Variants in SRGAP3 observed in about 807,000 individuals in gnomAD.
The protein encoded by SRGAP3 is SLIT-ROBO Rho GTPase-activating protein 3.
In SRGAP3, 39 loss-of-function variants were observed where a neutral mutation model predicts 121.1. That is an observed-to-expected ratio of 0.32 (90% CI 0.25 to 0.42). The LOEUF (loss-of-function observed/expected upper bound fraction) is 0.42. Among genes scored for constraint, SRGAP3 ranks in the 10% least tolerant of loss-of-function variants. SRGAP3 has a pLI of 1.00. For synonymous variants in SRGAP3, 601 were observed against 570.0 expected (o/e 1.05, Z -0.77); for missense variants, 1,213 against 1,470.6 (o/e 0.82, Z 2.86).
At chr3:9,136,254 C>T (rs2125018431) in intron 1 of SRGAP3, among the ~76,000 whole-genome samples, 1 of 152,366 alleles carries the variant, frequency 6.6e-6, no homozygotes, top group East Asian at 1.9e-4. Context: ...CTTCTCCTAG[C>T]CTCCTGTACA....
At chr3:9,325,589 C>A (rs1212467022) in intron 3 of SRGAP3, among the ~76,000 whole-genome samples, 1 of 151,862 alleles carries the variant, frequency 6.6e-6, no homozygotes, top group Admixed American at 6.5e-5. Flanking sequence ...CCTCTTTCAT[C>A]CTAAATCCTG....
At chr3:9,037,527 G>A in intron 11 of SRGAP3, 1 of 155,802 alleles carries the variant, frequency 6.4e-6, no homozygotes, top group Non-Finnish European at 1.4e-5. Context: ...GCTCATCCAA[G>A]TGCCCGTGAG....
intron 1 of SRGAP3, among the ~76,000 whole-genome samples, chr3:9,354,157 T>C (rs1264358187): frequency 2.6e-5 from 4 of 152,160 alleles, no homozygotes; most frequent in African/African-American, 9.7e-5. Flanking sequence ...GTAATGTTAA[T>C]AGGCTAAACT....
At chr3:9,188,550 C>T (rs534189602) in intron 1 of SRGAP3, among the ~76,000 whole-genome samples, 3 of 152,282 alleles carry the variant, frequency 2.0e-5, no homozygotes, top group East Asian at 1.9e-4. Flanking sequence ...AGAATGGACA[C>T]GAAGAAAGAT....
chr3:9,205,589 C>T (rs1952237900), intron 1 of SRGAP3, among the ~76,000 whole-genome samples: 1 of 152,242 alleles, frequency 6.6e-6, no homozygotes, highest in Admixed American at 6.5e-5. Flanking sequence ...GAACCTACAT[C>T]TCCTGCCTCC....
chr3:9,119,482 C>T (rs375240310), intron 2 of SRGAP3, among the ~76,000 whole-genome samples: 103 of 152,372 alleles, frequency 6.8e-4, no homozygotes, highest in Non-Finnish European at 2.2e-4. Flanking sequence ...GTTGCTCCTT[C>T]TCATTTCTCA....
intron 4 of SRGAP3, among the ~76,000 whole-genome samples, chr3:9,076,735 T>G (rs1946990963): frequency 7.1e-6 from 1 of 141,148 alleles, no homozygotes; most frequent in South Asian, 2.7e-4. Context: ...AACCCATCTC[T>G]CACACATGTG....
At chr3:9,280,209 T>A (rs1954651642) in intron 3 of SRGAP3, among the ~76,000 whole-genome samples, 1 of 152,212 alleles carries the variant, frequency 6.6e-6, no homozygotes, top group Admixed American at 6.5e-5. Context: ...AAGGGGACTA[T>A]TTCTAGGCAC....
chr3:9,321,614 C>A (rs1955439653), intron 3 of SRGAP3, among the ~76,000 whole-genome samples: 2 of 151,734 alleles, frequency 1.3e-5, no homozygotes, highest in Non-Finnish European at 2.9e-5. Context: ...ACCACAAACC[C>A]AGATAAAAAT....
chr3:9,049,413 G>T (rs563029277), intron 9 of SRGAP3: 1 of 455,976 alleles, frequency 2.2e-6, no homozygotes, highest in South Asian at 1.5e-5. Flanking sequence ...ACACACGTAC[G>T]TTTAAGCCTC....
intron 3 of SRGAP3, among the ~76,000 whole-genome samples, chr3:9,308,284 T>C (rs1018116369): frequency 2.0e-5 from 3 of 152,244 alleles, no homozygotes; most frequent in African/African-American, 7.2e-5. Context: ...AAGAGGATTT[T>C]ACACTCTTCT....
At chr3:8,990,410 G>A in intron 21 of SRGAP3, 102 bp downstream of exon 21, 3 of 1,427,386 alleles carry the variant, frequency 2.1e-6, no homozygotes, top group South Asian at 1.2e-5. Flanking sequence ...GCTTAGCCAT[G>A]AGCCTGGCAT....
At chr3:9,072,987 G>A (rs896733176) in intron 4 of SRGAP3, among the ~76,000 whole-genome samples, 1 of 152,208 alleles carries the variant, frequency 6.6e-6, no homozygotes, top group Non-Finnish European at 1.5e-5. Flanking sequence ...CTTCTCGCCT[G>A]CTGCTCTGGC....
intron 3 of SRGAP3, among the ~76,000 whole-genome samples, chr3:9,266,534 C>CT (rs1165635486): frequency 1.3e-5 from 2 of 152,106 alleles, no homozygotes; most frequent in Admixed American, 1.3e-4. Context: ...ATAAACATTC[C>CT]TTATGTGAGG....
At chr3:9,096,475 C>T (rs1252688204) in intron 3 of SRGAP3, among the ~76,000 whole-genome samples, 2 of 152,164 alleles carry the variant, frequency 1.3e-5, no homozygotes. Flanking sequence ...TTGCTGAACT[C>T]TCTTCAGCAG....
chr3:9,010,748 C>A (rs927540206), intron 17 of SRGAP3, among the ~76,000 whole-genome samples: 5 of 152,100 alleles, frequency 3.3e-5, no homozygotes, highest in African/African-American at 1.2e-4. Context: ...CAAAAAGAAC[C>A]CTTTGAAGTA....
chr3:9,233,365 T>C (rs2700324), intron 1 of SRGAP3, among the ~76,000 whole-genome samples: 113,540 of 152,110 alleles, frequency 0.75, 42,580 homozygotes, highest in South Asian at 0.82. Flanking sequence ...GTCTCATCTA[T>C]CTCTGTGACT....
intron 14 of SRGAP3, among the ~76,000 whole-genome samples, chr3:9,020,718 C>T (rs1943874399): frequency 6.6e-6 from 1 of 152,204 alleles, no homozygotes. Context: ...TGGCTCTCTG[C>T]AAGCTAGTCA....
chr3:9,117,577 A>G (rs1035787546), intron 2 of SRGAP3, among the ~76,000 whole-genome samples: 1 of 152,136 alleles, frequency 6.6e-6, no homozygotes, highest in African/African-American at 2.4e-5. Context: ...GCTTTTTTTC[A>G]CAGCAGTTAA....
Sources: gnomAD v4.1 joint callset for allele counts (sites outside exome capture counted in the v4.1 genomes callset) on GRCh38, gnomAD v4.1.1 for gene constraint, MANE v1.5 for transcripts, NCBI Gene and HGNC (gene_info 2026-07-23, HGNC 2026-07-21) for gene names.